IGFBP7: variants seen among roughly 807,000 people sequenced by gnomAD.
IGFBP7 encodes insulin-like growth factor-binding protein 7.
IGFBP7 carries 31 observed loss-of-function variants against 29.4 expected under a neutral mutation model. The ratio of observed to expected loss-of-function variants is 1.05; its 90% confidence interval spans 0.79 to 1.42. The LOEUF (loss-of-function observed/expected upper bound fraction) is 1.42. IGFBP7 is among the 40% of genes most tolerant of loss of function. The pLI is 0.00. For missense variants in IGFBP7, 393 were observed against 395.5 expected, an observed-to-expected ratio of 0.99 and a Z score of 0.05; for synonymous variants, 172 against 174.9, an observed-to-expected ratio of 0.98 and a Z score of 0.13.
At chr4:57,055,640 C>T (rs1388366813) in intron 1 of IGFBP7, among the ~76,000 whole-genome samples, 2 of 51,474 alleles carry the variant, frequency 3.9e-5, no homozygotes, top group Non-Finnish European at 9.3e-5. Flanking sequence ...TGGACAGGGT[C>T]ATCGCGGTTC....
Position 57,110,019 on chromosome 4 carries a change from G to C in IGFBP7, c.333C>G (p.Cys111Trp), listed in dbSNP as rs1209963268. ...ACACCGGGTAGCGGCTCTTGCACAC[G>C]CACACGCCGCTTACACCCGGACCGC... is the stretch of plus-strand genomic sequence containing the variant. ...AAGGPGVSGV[C>W]VCKSRYPVCG... is the part of the protein sequence containing the mutation. Residue 111 changes from cysteine (C) to tryptophan (W), a missense_variant, in exon 1 of 5, where the codon TGC becomes TGG. Coordinates refer to ENST00000295666, the MANE Select transcript of IGFBP7 (RefSeq NM_001553.3). 3 of 1,552,462 alleles carry C rather than the reference G, an allele frequency of 1.9e-6. No individual in the cohort carries two copies.
chr4:57,031,276 T>G lies in IGFBP7; in HGVS notation c.*41A>C. On this transcript the variant is annotated 3_prime_UTR_variant, in exon 5 of 5. Transcript: ENST00000295666. ...CAAGAACAGGTAATGTAGTTATCCA[T>G]GACTACTTTTAACCATGCAGACTAA... 1 of 1,545,596 alleles carries G rather than the reference T, an allele frequency of 6.5e-7. No homozygotes were observed. The highest frequency in any genetic ancestry group is 8.9e-7 in the Non-Finnish European group (1 of 1,119,572).
intron 1 of IGFBP7, among the ~76,000 whole-genome samples, chr4:57,069,937 T>C (rs1480375947): frequency 6.6e-6 from 1 of 151,956 alleles, no homozygotes; most frequent in East Asian, 1.9e-4. Context: ...ATAAAACAGC[T>C]GGGCATGGTG....
chr4:57,033,053 C>T (rs200083340), intron 3 of IGFBP7, 142 bp downstream of exon 3: 59 of 741,478 alleles, frequency 8.0e-5, no homozygotes, highest in Middle Eastern at 6.1e-4. Context: ...AGAGGAGCAG[C>T]GACTCCATGG....
chr4:57,093,672 T>C (rs535307427), intron 1 of IGFBP7, among the ~76,000 whole-genome samples: 5 of 152,188 alleles, frequency 3.3e-5, no homozygotes, highest in African/African-American at 4.8e-5. Context: ...GTGAATTTAC[T>C]GCATATTTTT....
At chr4:57,075,131 CA>C (rs2109780241) in intron 1 of IGFBP7, among the ~76,000 whole-genome samples, 1 of 152,312 alleles carries the variant, frequency 6.6e-6, no homozygotes, top group South Asian at 2.1e-4. Flanking sequence ...TAAAATCCCA[CA>C]AATAAGACTT....
intron 3 of IGFBP7, 133 bp from the exon 4 acceptor site, chr4:57,032,685 TGC>T: frequency 2.7e-6 from 2 of 749,024 alleles, no homozygotes; most frequent in Non-Finnish European, 4.7e-6. Flanking sequence ...CTAGAAGCAG[TGC>T]AAGTCCTGTG....
At chr4:57,046,147 T>C (rs540790209) in intron 1 of IGFBP7, among the ~76,000 whole-genome samples, 1 of 152,170 alleles carries the variant, frequency 6.6e-6, no homozygotes, top group South Asian at 2.1e-4. Context: ...GGACAAGTCT[T>C]GTATAGAAGA....
Position 57,045,762 on chromosome 4 carries a change from C to T in IGFBP7, c.476-4829G>A, listed in dbSNP as rs532570157. Among the ~76,000 whole-genome samples the T allele has an allele frequency of 1.3e-3, 193 of 149,464 alleles. 3 individuals carry two copies. The highest frequency in any genetic ancestry group is 7.8e-4 in the East Asian group (4 of 5,114). ...TTTTTTTTTTTTAGATGGAGTTTTG[C>T]ACTTGTTGCCCAGGGTGCAATGGTG... On this transcript the variant is annotated intron_variant, in intron 1 of 4. Transcript: ENST00000295666.
Position 57,061,838 on chromosome 4 carries a change from T to A in IGFBP7, c.476-20905A>T, listed in dbSNP as rs1475118908. ...AATTTTATTTTTATTTTTACTTTTT[T>A]AAAAATAATGAGATAGGGTCTTGCT... is the stretch of plus-strand genomic sequence containing the variant. On this transcript the variant is annotated intron_variant, in intron 1 of 4. Transcript: ENST00000295666. Among the ~76,000 whole-genome samples the A allele has an allele frequency of 2.6e-5, 4 of 152,192 alleles. No individual in the cohort carries two copies. In the East Asian group the frequency reaches 7.7e-4, roughly 29 times the overall value.
At chr4:57,068,091 C>G (rs1724962937) in intron 1 of IGFBP7, among the ~76,000 whole-genome samples, 1 of 152,004 alleles carries the variant, frequency 6.6e-6, no homozygotes, top group South Asian at 2.1e-4. Context: ...CTTTGGGAGG[C>G]TGAGGTGGGC....
intron 1 of IGFBP7, among the ~76,000 whole-genome samples, chr4:57,061,493 A>G (rs1344350976): frequency 6.6e-6 from 1 of 152,198 alleles, no homozygotes; most frequent in African/African-American, 2.4e-5. Flanking sequence ...GAACACAAGC[A>G]CTGTGATACC....
chr4:57,066,263 G>A lies in IGFBP7; in HGVS notation c.476-25330C>T, dbSNP rs1247640334. Reference sequence around the variant, plus strand: ...TGTGGGATCACTTGCTCTGGGAGAAGCCAGTGCTGTGCTGTTAGGATGCTC... The same window carrying A: ...TGTGGGATCACTTGCTCTGGGAGAAACCAGTGCTGTGCTGTTAGGATGCTC... On this transcript the variant is annotated intron_variant, in intron 1 of 4. Transcript: ENST00000295666. 2.0e-5 allele frequency among the ~76,000 whole-genome samples: 3 copies of A among 152,160 alleles called. No individual in the cohort carries two copies. The East Asian group carries it at 5.8e-4, about 29-fold the overall frequency.
intron 2 of IGFBP7, among the ~76,000 whole-genome samples, chr4:57,038,961 G>A (rs1005939928): frequency 6.7e-6 from 1 of 150,330 alleles, no homozygotes; most frequent in Non-Finnish European, 1.5e-5. Flanking sequence ...AACTACTTGA[G>A]AGACTGAGGC....
chr4:57,096,777 C>T (rs1216629919), intron 1 of IGFBP7, among the ~76,000 whole-genome samples: 1 of 152,168 alleles, frequency 6.6e-6, no homozygotes, highest in Admixed American at 6.5e-5. Flanking sequence ...CAGACAGATG[C>T]AATGAATCAA....
intron 1 of IGFBP7, among the ~76,000 whole-genome samples, chr4:57,091,589 T>C (rs2109795675): frequency 6.6e-6 from 1 of 152,340 alleles, no homozygotes; most frequent in African/African-American, 2.4e-5. Context: ...TGAACATATG[T>C]GAAAATTCTT....
intron 1 of IGFBP7, among the ~76,000 whole-genome samples, chr4:57,103,945 T>TTA (rs754069978): frequency 5.6e-4 from 85 of 152,292 alleles, no homozygotes; most frequent in Admixed American, 1.9e-3. Flanking sequence ...TCTCTTGAGC[T>TTA]TATGTCTCCT....
At chr4:57,046,706 C>T (rs546562288) in intron 1 of IGFBP7, among the ~76,000 whole-genome samples, 14 of 152,292 alleles carry the variant, frequency 9.2e-5, no homozygotes, top group African/African-American at 3.1e-4. Flanking sequence ...AGCAAACATC[C>T]TGTTCATAGA....
At chr4:57,049,190 T>TC (rs1724440875) in intron 1 of IGFBP7, among the ~76,000 whole-genome samples, 1 of 151,984 alleles carries the variant, frequency 6.6e-6, no homozygotes, top group Admixed American at 6.6e-5. Flanking sequence ...GTTAGCCAAT[T>TC]TTTTTTTCAT....
Sources: gnomAD v4.1 joint callset for allele counts (sites outside exome capture counted in the v4.1 genomes callset) on GRCh38, gnomAD v4.1.1 for gene constraint, MANE v1.5 for transcripts, NCBI Gene and HGNC (gene_info 2026-07-23, HGNC 2026-07-21) for gene names.